The following LRRC4C variants were observed in gnomAD, a reference collection of about 807,000 sequenced individuals.
The protein encoded by LRRC4C is leucine rich repeat containing 4C.
Under a neutral mutation model 33.6 loss-of-function variants are expected in LRRC4C, and 5 were observed. The observed-to-expected ratio is 0.15, with a 90% CI of 0.08 to 0.31. The LOEUF (loss-of-function observed/expected upper bound fraction) is 0.31, where lower values mean the gene tolerates loss of function less well. Among genes scored for constraint, LRRC4C ranks in the 10% least tolerant of loss-of-function variants. The probability of loss-of-function intolerance (pLI) is 1.00; values close to 1 mark genes in which losing one functional copy is unlikely to be tolerated. For missense variants in LRRC4C, 560 were observed against 796.7 expected (o/e 0.70, Z 3.58); for synonymous variants, 329 against 302.0 (o/e 1.09, Z -0.93).
At chr11:40,354,632 C>A (rs1375548744) in intron 3 of LRRC4C, among the ~76,000 whole-genome samples, 1 of 152,158 alleles carries the variant, frequency 6.6e-6, no homozygotes. Flanking sequence ...AGGCCCATGG[C>A]AAATACTCCT....
rs1305588818 is a variant in LRRC4C at position 40,683,945 on chromosome 11, T to C, written c.-406-35667A>G. Among the ~76,000 whole-genome samples the C allele has an allele frequency of 2.0e-5, 3 of 152,192 alleles. No homozygotes were observed. The East Asian group carries it at 5.8e-4, about 29-fold the overall frequency. On this transcript the variant is annotated intron_variant, in intron 2 of 6. Coordinates refer to ENST00000528697, the MANE Select transcript of LRRC4C (RefSeq NM_001258419.2). ...ATCTATGGGAACTTAGAACCCCAAA[T>C]TAGCATAAATCTATGCCAACTCTAA...
At chr11:40,770,417 T>G (rs1949699042) in intron 2 of LRRC4C, among the ~76,000 whole-genome samples, 1 of 152,100 alleles carries the variant, frequency 6.6e-6, no homozygotes, top group Admixed American at 6.5e-5. Flanking sequence ...CACATGGGGA[T>G]TGCAATTCCG....
chr11:40,627,470 G>A (rs114708024), intron 3 of LRRC4C, among the ~76,000 whole-genome samples: 1 of 152,106 alleles, frequency 6.6e-6, no homozygotes, highest in African/African-American at 2.4e-5. Flanking sequence ...CCTTAAGTAA[G>A]TCTCATTCTT....
chr11:40,683,704 T>A (rs1253872104), intron 2 of LRRC4C, among the ~76,000 whole-genome samples: 1 of 152,086 alleles, frequency 6.6e-6, no homozygotes, highest in Admixed American at 6.6e-5. Context: ...GTAGAAAAGG[T>A]TTGGTTCTGC....
chr11:40,797,327 T>A (rs1031065840), intron 2 of LRRC4C, among the ~76,000 whole-genome samples: 1 of 152,008 alleles, frequency 6.6e-6, no homozygotes, highest in Non-Finnish European at 1.5e-5. Context: ...AGGTTAGGTG[T>A]TACTGTGGGG....
chr11:40,473,305 A>C (rs1240697117), intron 3 of LRRC4C, among the ~76,000 whole-genome samples: 1 of 152,194 alleles, frequency 6.6e-6, no homozygotes, highest in Non-Finnish European at 1.5e-5. Context: ...AACATACATA[A>C]ATCGATAAAT....
intron 1 of LRRC4C, among the ~76,000 whole-genome samples, chr11:41,097,909 C>T (rs1351772614): frequency 6.6e-6 from 1 of 152,084 alleles, no homozygotes; most frequent in African/African-American, 2.4e-5. Context: ...CATGCCCTGA[C>T]AGGTTAGCAT....
chr11:40,247,126 T>A (rs1357729898), intron 4 of LRRC4C, among the ~76,000 whole-genome samples: 3 of 150,812 alleles, frequency 2.0e-5, no homozygotes, highest in Non-Finnish European at 4.4e-5. Context: ...TTTTTTTTTT[T>A]AACTAATTTA....
At chr11:40,998,417 A>C (rs2137344510) in intron 1 of LRRC4C, among the ~76,000 whole-genome samples, 1 of 152,204 alleles carries the variant, frequency 6.6e-6, no homozygotes, top group African/African-American at 2.4e-5. Flanking sequence ...GGATCTAATA[A>C]AAAATCTCAG....
intron 1 of LRRC4C, among the ~76,000 whole-genome samples, chr11:41,158,931 G>T (rs887745732): frequency 4.6e-5 from 7 of 152,086 alleles, no homozygotes; most frequent in Admixed American, 3.3e-4. Flanking sequence ...ACAGGAACTG[G>T]ACTTTGTAGA....
intron 1 of LRRC4C, among the ~76,000 whole-genome samples, chr11:41,103,875 T>C (rs1941345403): frequency 6.6e-6 from 1 of 151,928 alleles, no homozygotes; most frequent in Non-Finnish European, 1.5e-5. Context: ...GGCAATTTAA[T>C]AGTGAAAGGA....
chr11:41,169,689 A>C (rs1944884470), intron 1 of LRRC4C, among the ~76,000 whole-genome samples: 1 of 152,150 alleles, frequency 6.6e-6, no homozygotes, highest in African/African-American at 2.4e-5. Flanking sequence ...TCGCACTTTA[A>C]ATTACAGCAA....
At chr11:40,131,000 A>G (rs1024713540) in intron 6 of LRRC4C, among the ~76,000 whole-genome samples, 3 of 152,190 alleles carry the variant, frequency 2.0e-5, no homozygotes, top group Admixed American at 2.0e-4. Context: ...CCGTAAAGCC[A>G]AGACTATAAC....
At chr11:40,719,527 T>A (rs918774800) in intron 2 of LRRC4C, among the ~76,000 whole-genome samples, 2 of 152,192 alleles carry the variant, frequency 1.3e-5, no homozygotes, top group Non-Finnish European at 2.9e-5. Flanking sequence ...AGAAATCCAA[T>A]TCCATCTGTC....
At chr11:40,631,997 T>A (rs7124424) in intron 3 of LRRC4C, among the ~76,000 whole-genome samples, 2 of 151,928 alleles carry the variant, frequency 1.3e-5, no homozygotes, top group Admixed American at 6.6e-5. Context: ...ATTATTAACA[T>A]CATTTTATCA....
At position 40,994,025 on chromosome 11, in the gene LRRC4C, C is replaced by A. The variant is rs1411334667; in HGVS notation, c.-495-60302G>T. On this transcript the variant is annotated intron_variant, in intron 1 of 6. Transcript: ENST00000528697. Reference sequence around the variant, plus strand: ...GGGCATACTACTGTTACTTTCGGCTCCTTTTTGCTCTGACCCATTGGAATG... The same window carrying A: ...GGGCATACTACTGTTACTTTCGGCTACTTTTTGCTCTGACCCATTGGAATG... Among the ~76,000 whole-genome samples, 17 of 150,616 alleles carry A rather than the reference C, an allele frequency of 1.1e-4. No individual in the cohort carries two copies. The East Asian group carries it at 2.2e-3, about 19-fold the overall frequency.
At chr11:41,264,173 C>T (rs1008460795) in intron 1 of LRRC4C, among the ~76,000 whole-genome samples, 44 of 149,820 alleles carry the variant, frequency 2.9e-4, no homozygotes, top group African/African-American at 9.6e-4. Context: ...CTCACTGCAA[C>T]CTCCGCCTCC....
At chr11:40,497,774 T>C (rs551806791) in intron 3 of LRRC4C, among the ~76,000 whole-genome samples, 2 of 152,294 alleles carry the variant, frequency 1.3e-5, no homozygotes, top group African/African-American at 4.8e-5. Flanking sequence ...ATAGTCACTA[T>C]TGATATTTAG....
chr11:40,633,708 C>T (rs1030841543), intron 3 of LRRC4C, among the ~76,000 whole-genome samples: 3 of 152,010 alleles, frequency 2.0e-5, no homozygotes, highest in African/African-American at 7.2e-5. Context: ...TATTTCTAAG[C>T]TCCAGTTACC....
Sources: gnomAD v4.1 joint callset for allele counts (sites outside exome capture counted in the v4.1 genomes callset) on GRCh38, gnomAD v4.1.1 for gene constraint, MANE v1.5 for transcripts, NCBI Gene and HGNC (gene_info 2026-07-23, HGNC 2026-07-21) for gene names.